PLEKHG1: variants seen among roughly 807,000 people sequenced by gnomAD.
PLEKHG1 encodes the protein pleckstrin homology domain-containing family G member 1.
A neutral mutation model predicts 100.8 loss-of-function variants in PLEKHG1; 44 were observed. The ratio of observed to expected loss-of-function variants is 0.44; its 90% confidence interval spans 0.34 to 0.56. The LOEUF is 0.56. Ranked by LOEUF, PLEKHG1 falls within the 20% of genes least tolerant of loss-of-function variation. The pLI, the probability that PLEKHG1 is intolerant of heterozygous loss-of-function variation, is 0.01. For synonymous variants in PLEKHG1, 640 were observed against 662.5 expected, an observed-to-expected ratio of 0.97 and a Z score of 0.52; for missense variants, 1,545 against 1,720.9, an observed-to-expected ratio of 0.90 and a Z score of 1.81.
At chr6:150,627,976 G>C (rs1420722265) in intron 1 of PLEKHG1, among the ~76,000 whole-genome samples, 2 of 152,178 alleles carry the variant, frequency 1.3e-5, no homozygotes, top group Non-Finnish European at 1.5e-5. Context: ...TCTGTTTTAA[G>C]AACTGATATG....
In PLEKHG1 at chr6:150,612,057, C is replaced by CG. The variant is rs1582808893; in HGVS notation, c.-204+12040_-204+12041insG. Among the ~76,000 whole-genome samples, 8 of 107,190 alleles carry CG rather than the reference C, an allele frequency of 7.5e-5. No individual in the cohort carries two copies. In the East Asian group the frequency reaches 1.9e-3, roughly 25 times the overall value. The allele number at this position is 107,190 out of a possible 152,430, so 70.3% of individuals were successfully genotyped here. On this transcript the variant is annotated intron_variant, in intron 1 of 3. Transcript: ENST00000367326. ...TTCCTGGTGTTGTTCCCCCCCCCCCCCCCTTTTCTAGTTCTTAGTTAATAG... is the reference window on the plus strand; with the variant it reads ...TTCCTGGTGTTGTTCCCCCCCCCCCCGCCCTTTTCTAGTTCTTAGTTAATAG...
intron 3 of PLEKHG1, among the ~76,000 whole-genome samples, chr6:150,659,219 G>C (rs1779088490): frequency 6.6e-6 from 1 of 152,168 alleles, no homozygotes; most frequent in African/African-American, 2.4e-5. Flanking sequence ...AAAGTGCTGA[G>C]TTAATTATGT....
intron 1 of PLEKHG1, among the ~76,000 whole-genome samples, chr6:150,731,913 G>C (rs1228128284): frequency 1.3e-5 from 2 of 151,046 alleles, no homozygotes; most frequent in African/African-American, 4.9e-5. Flanking sequence ...TTTCACATGG[G>C]TCCTTTTGGG....
At chr6:150,605,150 G>A (rs1582794169) in intron 1 of PLEKHG1, among the ~76,000 whole-genome samples, 1 of 152,346 alleles carries the variant, frequency 6.6e-6, no homozygotes, top group East Asian at 1.9e-4. Flanking sequence ...CTAGAGAAAT[G>A]TGGTGATTCC....
intron 3 of PLEKHG1, among the ~76,000 whole-genome samples, chr6:150,713,160 T>A (rs1781297840): frequency 6.6e-6 from 1 of 152,162 alleles, no homozygotes; most frequent in Non-Finnish European, 1.5e-5. Flanking sequence ...GGAAGAAAGA[T>A]CAGCAGGATG....
intron 1 of PLEKHG1, among the ~76,000 whole-genome samples, chr6:150,602,941 C>T (rs2128549324): frequency 6.6e-6 from 1 of 151,742 alleles, no homozygotes; most frequent in Admixed American, 6.6e-5. Context: ...ATTAGCCGGG[C>T]GAGGTGGCGG....
chr6:150,609,196 T>A (rs1195351743), intron 1 of PLEKHG1, among the ~76,000 whole-genome samples: 1 of 152,214 alleles, frequency 6.6e-6, no homozygotes, highest in African/African-American at 2.4e-5. Flanking sequence ...TCAACACATG[T>A]CCCTTTCTAA....
chr6:150,812,173 G>A (rs528359282), intron 10 of PLEKHG1, among the ~76,000 whole-genome samples: 21 of 152,270 alleles, frequency 1.4e-4, no homozygotes, highest in Non-Finnish European at 2.8e-4. Context: ...ACTGGCACCC[G>A]TGCTGCTGGG....
chr6:150,739,074 G>C (rs1302425212), intron 2 of PLEKHG1, among the ~76,000 whole-genome samples: 3 of 152,164 alleles, frequency 2.0e-5, no homozygotes, highest in Non-Finnish European at 4.4e-5. Flanking sequence ...GAGCTTTTGA[G>C]AACCTCATAA....
chr6:150,621,623 C>T (rs900681968), intron 1 of PLEKHG1, among the ~76,000 whole-genome samples: 27 of 152,284 alleles, frequency 1.8e-4, no homozygotes, highest in African/African-American at 6.5e-4. Context: ...GATCCTCCAG[C>T]CTTAGCCTCC....
chr6:150,774,393 T>G (rs1784849276), intron 3 of PLEKHG1, among the ~76,000 whole-genome samples: 2 of 152,114 alleles, frequency 1.3e-5, no homozygotes, highest in Admixed American at 6.5e-5. Flanking sequence ...TTTAATAAAG[T>G]TAGCATATGA....
chr6:150,768,899 C>T (rs1784577150), intron 3 of PLEKHG1, among the ~76,000 whole-genome samples, 161 bp downstream of exon 4: 1 of 152,148 alleles, frequency 6.6e-6, no homozygotes, highest in South Asian at 2.1e-4. Flanking sequence ...ATCCTTATTT[C>T]CTTATGAGTC....
rs536007276 is a variant in PLEKHG1 at position 150,743,858 on chromosome 6, C to CTAGT, written c.411+9768_411+9771dup. On this transcript the variant is annotated intron_variant, in intron 2 of 15. Transcript: ENST00000358517. ...CAGGCTAATAAATATTGGGTCTAGC[C>CTAGT]TAGTTCAAAGGCAGGGATTGTGCTT... Among the ~76,000 whole-genome samples, 199 of 152,200 alleles carry CTAGT rather than the reference C, an allele frequency of 1.3e-3. 10 individuals carry two copies. The South Asian group carries it at 0.038, about 29-fold the overall frequency.
intron 7 of PLEKHG1, among the ~76,000 whole-genome samples, chr6:150,807,420 A>G (rs1787188583): frequency 2.0e-5 from 3 of 152,134 alleles, no homozygotes; most frequent in East Asian, 3.9e-4. Flanking sequence ...CTAATACTCC[A>G]TTTCTGTTCA....
intron 2 of PLEKHG1, among the ~76,000 whole-genome samples, chr6:150,737,411 C>T (rs1334327399): frequency 2.6e-5 from 4 of 151,462 alleles, no homozygotes; most frequent in African/African-American, 9.8e-5. Context: ...CCTGCCTCAG[C>T]CTCCCGAGTA....
rs58218481 is a variant in PLEKHG1, at chr6:150,797,834, CAAAAAAAAAAAAAAAAA to C, written c.629+1952_629+1968del. On this transcript the variant is annotated intron_variant, in intron 5 of 15. Transcript: ENST00000358517. ...TTGGCAACAGAGCAAGACTCTGTCT[CAAAAAAAAAAAAAAAAA>C]AAAAAAAAAAAAAAAAAAAGACCCA... is the stretch of plus-strand genomic sequence containing the variant. Among the ~76,000 whole-genome samples the C allele has an allele frequency of 8.7e-3, 209 of 23,908 alleles. 1 individual carries two copies. The highest frequency in any genetic ancestry group is 0.053 in the South Asian group (26 of 490). 15.7% of individuals were successfully genotyped at this position (23,908 alleles called of 152,430 possible).
Position 150,763,024 on chromosome 6 carries a change from C to CTTTTTTTTTTTTTTTTTTTTT in PLEKHG1, c.412-5594_412-5593insTTTTTTTTTTTTTTTTTTTTT, listed in dbSNP as rs60462437. 3.4e-3 allele frequency among the ~76,000 whole-genome samples: 262 copies of CTTTTTTTTTTTTTTTTTTTTT among 76,472 alleles called. 27 individuals carry two copies. The highest frequency in any genetic ancestry group is 5.9e-3 in the East Asian group (12 of 2,040). 50.2% of individuals were successfully genotyped at this position (76,472 alleles called of 152,430 possible). On this transcript the variant is annotated intron_variant, in intron 2 of 15. Transcript: ENST00000358517. ...AGCACCAACAGGAGGGATAAAGCTTCTTTTTTTTTTTTTTTTTTTTGAGAC... is the reference window on the plus strand; with the variant it reads ...AGCACCAACAGGAGGGATAAAGCTTCTTTTTTTTTTTTTTTTTTTTTTTTTTTTTTTTTTTTTTTTTGAGAC...
chr6:150,816,568 C>T (rs1467256938), intron 10 of PLEKHG1, among the ~76,000 whole-genome samples: 3 of 151,862 alleles, frequency 2.0e-5, no homozygotes, highest in Admixed American at 2.0e-4. Flanking sequence ...TCGTGATCTG[C>T]CCGCCTCAGC....
chr6:150,813,650 C>T (rs142287006), intron 10 of PLEKHG1, among the ~76,000 whole-genome samples: 186 of 152,178 alleles, frequency 1.2e-3, no homozygotes, highest in Middle Eastern at 6.8e-3. Flanking sequence ...TCATAAAGCC[C>T]GGTTCAGCAG....
Sources: gnomAD v4.1 joint callset for allele counts (sites outside exome capture counted in the v4.1 genomes callset) on GRCh38, gnomAD v4.1.1 for gene constraint, MANE v1.5 for transcripts, NCBI Gene and HGNC (gene_info 2026-07-23, HGNC 2026-07-21) for gene names.